The following NCALD variants were observed in gnomAD, a reference collection of about 807,000 sequenced individuals.
NCALD encodes neurocalcin delta, also known as neurocalcin-delta.
A neutral mutation model predicts 18.6 loss-of-function variants in NCALD; 10 were observed. The ratio of observed to expected loss-of-function variants is 0.54; its 90% CI spans 0.33 to 0.91. The LOEUF (loss-of-function observed/expected upper bound fraction) is 0.91. NCALD is among the 40% of genes least tolerant of loss of function. NCALD has a pLI of 0.03. For missense variants in NCALD, 184 were observed against 247.6 expected, an observed-to-expected ratio of 0.74 and a Z score of 1.72; for synonymous variants, 88 against 87.4, an observed-to-expected ratio of 1.01 and a Z score of -0.04.
At chr8:101,780,378 TA>T (rs1307353462) in intron 1 of NCALD, among the ~76,000 whole-genome samples, 1 of 152,206 alleles carries the variant, frequency 6.6e-6, no homozygotes, top group African/African-American at 2.4e-5. Context: ...AACAGATGTT[TA>T]TTTTTTTGTG....
intron 2 of NCALD, among the ~76,000 whole-genome samples, chr8:101,981,382 T>C (rs1820613865): frequency 1.3e-5 from 2 of 152,352 alleles, no homozygotes; most frequent in South Asian, 2.1e-4. Flanking sequence ...ATTAAAATAG[T>C]ATTCTTCCAC....
intron 1 of NCALD, among the ~76,000 whole-genome samples, chr8:101,782,775 C>T (rs1041261041): frequency 7.2e-5 from 11 of 152,134 alleles, no homozygotes; most frequent in African/African-American, 2.7e-4. Flanking sequence ...GCCATATATC[C>T]TCTGGGGTTA....
At chr8:102,118,647 T>C (rs952097397) in intron 1 of NCALD, among the ~76,000 whole-genome samples, 1 of 152,344 alleles carries the variant, frequency 6.6e-6, no homozygotes. Flanking sequence ...TTACTAGAGA[T>C]AGACATATTT....
At chr8:101,851,462 C>T (rs895564044) in intron 4 of NCALD, among the ~76,000 whole-genome samples, 1 of 152,086 alleles carries the variant, frequency 6.6e-6, no homozygotes, top group Admixed American at 6.5e-5. Context: ...AGCTCTCTTG[C>T]CTACCCTAGC....
At chr8:101,923,275 A>T (rs1381219473) in intron 2 of NCALD, among the ~76,000 whole-genome samples, 1 of 152,228 alleles carries the variant, frequency 6.6e-6, no homozygotes, top group African/African-American at 2.4e-5. Flanking sequence ...CCCACTTGTG[A>T]GTATTTTGTT....
intron 2 of NCALD, among the ~76,000 whole-genome samples, chr8:102,000,001 C>T (rs567066580): frequency 7.9e-5 from 12 of 152,266 alleles, no homozygotes; most frequent in Admixed American, 2.6e-4. Flanking sequence ...ACTGAGGTAC[C>T]GGGTGTATCT....
intron 4 of NCALD, among the ~76,000 whole-genome samples, chr8:101,879,851 A>C (rs1172748659): frequency 6.6e-6 from 1 of 152,072 alleles, no homozygotes; most frequent in Non-Finnish European, 1.5e-5. Context: ...GTGCATTTAC[A>C]ATCCTCCAAC....
chr8:102,047,681 C>T (rs1047298660), intron 1 of NCALD, among the ~76,000 whole-genome samples: 1 of 152,150 alleles, frequency 6.6e-6, no homozygotes, highest in African/African-American at 2.4e-5. Context: ...AGCATTTATC[C>T]GGGACCAAGC....
At chr8:101,938,060 T>C (rs1818825915) in intron 2 of NCALD, among the ~76,000 whole-genome samples, 3 of 152,188 alleles carry the variant, frequency 2.0e-5, no homozygotes, top group African/African-American at 7.2e-5. Context: ...TGATGCGCCA[T>C]GACTTGTTCT....
chr8:101,973,856 G>T (rs555709579), intron 2 of NCALD, among the ~76,000 whole-genome samples: 1 of 152,314 alleles, frequency 6.6e-6, no homozygotes, highest in Non-Finnish European at 1.5e-5. Context: ...TGCACTTCAC[G>T]TATTTATTGA....
intron 4 of NCALD, chr8:101,872,424 C>T: frequency 8.2e-7 from 1 of 1,215,794 alleles, no homozygotes; most frequent in South Asian, 1.2e-5. Context: ...TCACCACTGA[C>T]TGCTGAAGGA....
chr8:101,900,267 G>A (rs1320719494), intron 3 of NCALD, among the ~76,000 whole-genome samples: 2 of 151,812 alleles, frequency 1.3e-5, no homozygotes, highest in Non-Finnish European at 2.9e-5. Flanking sequence ...CAGTGTTGCT[G>A]AAGGTTTATC....
At chr8:101,898,403 G>A (rs58570596) in intron 3 of NCALD, among the ~76,000 whole-genome samples, 8,970 of 150,652 alleles carry the variant, frequency 0.06, 822 homozygotes, top group African/African-American at 0.21. Flanking sequence ...AAAATGTTGA[G>A]TTTGGAGTTC....
In NCALD at chr8:101,686,980, A is replaced by G. The variant is rs1178994319; in HGVS notation, c.*2329T>C. 6.6e-6 allele frequency: 1 copy of G among 152,344 alleles called. No homozygotes were observed. The highest frequency in any genetic ancestry group is 1.5e-5 in the Non-Finnish European group (1 of 68,114). 9.4% of individuals were successfully genotyped at this position (152,344 alleles called of 1,614,324 possible). ...TCCTGGGAAGGAGAAGGAGAAAAAC[A>G]ACCTCCGAGAAAATACAGACAGGGT... On this transcript the variant is annotated 3_prime_UTR_variant, in exon 4 of 4. Transcript: ENST00000220931.
chr8:101,989,457 TAACC>T (rs914796907), intron 2 of NCALD, among the ~76,000 whole-genome samples: 1 of 152,204 alleles, frequency 6.6e-6, no homozygotes, highest in African/African-American at 2.4e-5. Flanking sequence ...AAATTGGAAA[TAACC>T]AACCAACCAA....
chr8:102,122,067 G>C (rs1189729608), intron 1 of NCALD, among the ~76,000 whole-genome samples: 6 of 152,240 alleles, frequency 3.9e-5, no homozygotes, highest in Non-Finnish European at 5.9e-5. Flanking sequence ...AAGATACATA[G>C]ATAATGGTGC....
chr8:101,738,487 T>C (rs189927694), intron 1 of NCALD, among the ~76,000 whole-genome samples: 58 of 143,630 alleles, frequency 4.0e-4, no homozygotes, highest in African/African-American at 1.5e-3. Flanking sequence ...GAGGTTGCAG[T>C]GAGCCAAGAT....
intron 2 of NCALD, among the ~76,000 whole-genome samples, chr8:101,929,275 G>A (rs1480526652): frequency 6.7e-5 from 3 of 45,030 alleles, no homozygotes; most frequent in Non-Finnish European, 1.4e-4. Context: ...AAGGGATGGA[G>A]GGAGGGAGGG....
intron 4 of NCALD, among the ~76,000 whole-genome samples, chr8:101,868,719 C>T (rs1044330187): frequency 6.6e-6 from 1 of 152,212 alleles, no homozygotes; most frequent in Non-Finnish European, 1.5e-5. Context: ...CAGGCCACTA[C>T]TTCATTTGCA....
Sources: allele counts gnomAD v4.1 joint callset (sites outside exome capture counted in the v4.1 genomes callset), GRCh38; gene constraint gnomAD v4.1.1; transcripts MANE v1.5; gene names NCBI Gene and HGNC (gene_info 2026-07-23, HGNC 2026-07-21).